The following SIPA1L2 variants were observed in gnomAD, a reference collection of about 807,000 sequenced individuals.
SIPA1L2 encodes signal-induced proliferation-associated 1-like protein 2.
SIPA1L2 carries 56 observed loss-of-function variants against 163.9 expected under a neutral mutation model. That is an observed-to-expected ratio of 0.34 (90% confidence interval 0.28 to 0.43). The LOEUF (loss-of-function observed/expected upper bound fraction) is 0.43, where lower values mean the gene tolerates loss of function less well. Ranked by LOEUF, SIPA1L2 falls within the 20% of genes least tolerant of loss-of-function variation. SIPA1L2 has a pLI of 1.00. For missense variants in SIPA1L2, 1,974 were observed against 2,193.5 expected (o/e 0.90, Z 2.00); for synonymous variants, 877 against 865.7 (o/e 1.01, Z -0.23).
chr1:232,420,576 C>G (rs994151213), intron 18 of SIPA1L2, among the ~76,000 whole-genome samples: 1 of 152,186 alleles, frequency 6.6e-6, no homozygotes, highest in African/African-American at 2.4e-5. Context: ...TGGCTCATGC[C>G]TGTAATCCCA....
intron 2 of SIPA1L2, among the ~76,000 whole-genome samples, chr1:232,518,815 G>A (rs1305902687): frequency 2.0e-5 from 3 of 151,910 alleles, no homozygotes; most frequent in African/African-American, 7.3e-5. Flanking sequence ...TTTATCTACG[G>A]TGCCTGGAGC....
At chr1:232,484,638 A>G (rs1665554922) in intron 5 of SIPA1L2, among the ~76,000 whole-genome samples, 1 of 152,210 alleles carries the variant, frequency 6.6e-6, no homozygotes, top group Non-Finnish European at 1.5e-5. Context: ...TCCAATAGCA[A>G]TTGAGGAGCT....
At chr1:232,599,505 T>G (rs1661477386) in intron 1 of SIPA1L2, among the ~76,000 whole-genome samples, 1 of 151,994 alleles carries the variant, frequency 6.6e-6, no homozygotes, top group Non-Finnish European at 1.5e-5. Flanking sequence ...AATCAAAATG[T>G]GTTTCCAATT....
chr1:232,488,614 T>C (rs911354968), intron 5 of SIPA1L2, among the ~76,000 whole-genome samples: 2 of 152,136 alleles, frequency 1.3e-5, no homozygotes, highest in Non-Finnish European at 2.9e-5. Context: ...ATATAAAATC[T>C]AAAGAAAAGC....
At chr1:232,449,332 C>T (rs1340669620) in intron 10 of SIPA1L2, among the ~76,000 whole-genome samples, 1 of 151,040 alleles carries the variant, frequency 6.6e-6, no homozygotes, top group Non-Finnish European at 1.5e-5. Context: ...TCCTGGCTAA[C>T]ATGGTGAAAC....
At chr1:232,441,969 C>G in intron 12 of SIPA1L2, 101 bp from the exon 13 acceptor site, 1 of 944,558 alleles carries the variant, frequency 1.1e-6, no homozygotes, top group South Asian at 1.6e-5. Context: ...CGAGGGAAAG[C>G]CCTATCCAGG....
chr1:232,506,442 T>C (rs879319313), intron 3 of SIPA1L2, among the ~76,000 whole-genome samples: 6 of 152,128 alleles, frequency 3.9e-5, no homozygotes, highest in Non-Finnish European at 7.3e-5. Flanking sequence ...GTGATGTCAT[T>C]TGCCCGCCAT....
At chr1:232,429,199 C>A (rs1662083487) in intron 16 of SIPA1L2, among the ~76,000 whole-genome samples, 1 of 152,158 alleles carries the variant, frequency 6.6e-6, no homozygotes, top group Non-Finnish European at 1.5e-5. Context: ...GGGAATCATT[C>A]TAAAAAGGTT....
At chr1:232,603,311 G>A (rs563534245) in intron 1 of SIPA1L2, among the ~76,000 whole-genome samples, 10 of 152,296 alleles carry the variant, frequency 6.6e-5, no homozygotes, top group Non-Finnish European at 7.4e-5. Context: ...AGATCTGGAG[G>A]TCTCCTTCCA....
chr1:232,575,519 T>G (rs765442230), intron 1 of SIPA1L2, among the ~76,000 whole-genome samples: 49 of 152,184 alleles, frequency 3.2e-4, no homozygotes, highest in Non-Finnish European at 1.6e-4. Context: ...GTGCCGTGGT[T>G]AGGATTAGGG....
intron 2 of SIPA1L2, among the ~76,000 whole-genome samples, chr1:232,549,687 A>T (rs1658264662): frequency 6.6e-6 from 1 of 152,138 alleles, no homozygotes; most frequent in Non-Finnish European, 1.5e-5. Flanking sequence ...TGAGGAGAGG[A>T]ATCTGAGGCA....
intron 18 of SIPA1L2, among the ~76,000 whole-genome samples, chr1:232,421,877 T>C (rs1025942960): frequency 2.0e-5 from 3 of 152,250 alleles, no homozygotes; most frequent in Non-Finnish European, 2.9e-5. Flanking sequence ...TTTTCATTTT[T>C]GAAATCTAAG....
intron 1 of SIPA1L2, among the ~76,000 whole-genome samples, chr1:232,592,828 A>C (rs1661034555): frequency 6.6e-6 from 1 of 151,964 alleles, no homozygotes; most frequent in South Asian, 2.1e-4. Flanking sequence ...AAAAAGGTGA[A>C]AATGCCCTTT....
At chr1:232,512,993 G>C (rs1667050930) in intron 3 of SIPA1L2, among the ~76,000 whole-genome samples, 1 of 152,130 alleles carries the variant, frequency 6.6e-6, no homozygotes, top group South Asian at 2.1e-4. Flanking sequence ...ACTGAAGACA[G>C]AAAAATATAG....
Position 232,462,313 on chromosome 1 carries a change from A to G in SIPA1L2, c.2821-1152T>C. ...GAGGTATCATACTCCTATCCCCAAA[A>G]GCCCAGAGGCAATGTATGAAGTTTC... is the stretch of plus-strand genomic sequence containing the variant. On this transcript the variant is annotated intron_variant, in intron 9 of 22. Coordinates refer to ENST00000674635, the MANE Select transcript of SIPA1L2 (RefSeq NM_020808.5). 3 of 1,547,848 alleles carry G rather than the reference A, an allele frequency of 1.9e-6. No individual in the cohort carries two copies. The South Asian group carries it at 3.6e-5, about 18-fold the overall frequency.
chr1:232,410,807 CTA>C (rs1044924450), intron 19 of SIPA1L2, among the ~76,000 whole-genome samples: 2 of 152,056 alleles, frequency 1.3e-5, no homozygotes, highest in Admixed American at 6.6e-5. Flanking sequence ...AAAAAAATCT[CTA>C]TGTCTCTTTT....
rs139942528 is a variant in SIPA1L2 at position 232,443,973 on chromosome 1, G to C, written c.3354-288C>G. Among the ~76,000 whole-genome samples the C allele has an allele frequency of 2.0e-3, 305 of 152,180 alleles. 2 individuals are homozygous for C. Among genetic ancestry groups the C allele is most frequent in the African/African-American group, 7.2e-3 (299 of 41,534 alleles). On this transcript the variant is annotated intron_variant, in intron 11 of 22. Coordinates refer to ENST00000674635, the MANE Select transcript of SIPA1L2 (RefSeq NM_020808.5). ...GCACAGATAATGACTCCCTCCCAGA[G>C]AAATACAGAAGAACAGCAATACAAT...
At chr1:232,527,722 CTTCTTTTTTT>C (rs1182308967) in intron 2 of SIPA1L2, among the ~76,000 whole-genome samples, 5 of 86,338 alleles carry the variant, frequency 5.8e-5, no homozygotes, top group Admixed American at 2.8e-4. Flanking sequence ...TCTTCTTCTT[CTTCTTTTTTT>C]TTTTTTTTTT....
intron 2 of SIPA1L2, among the ~76,000 whole-genome samples, chr1:232,538,106 CA>C (rs946688732): frequency 6.6e-6 from 1 of 152,200 alleles, no homozygotes; most frequent in Non-Finnish European, 1.5e-5. Context: ...ACAGAAACAA[CA>C]AAAAGTCTCA....
Sources: allele counts gnomAD v4.1 joint callset (sites outside exome capture counted in the v4.1 genomes callset), GRCh38; gene constraint gnomAD v4.1.1; transcripts MANE v1.5; gene names NCBI Gene and HGNC (gene_info 2026-07-23, HGNC 2026-07-21).